The following RAB27B variants were observed in gnomAD, a reference collection of about 807,000 sequenced individuals.
The protein encoded by RAB27B is RAB27B, member RAS oncogene family.
Under a neutral mutation model 24.6 loss-of-function variants are expected in RAB27B, and 15 were observed. That is an observed-to-expected ratio of 0.61 (90% CI 0.41 to 0.94). RAB27B has a LOEUF of 0.94. Ranked by LOEUF, RAB27B falls within the 40% of genes least tolerant of loss-of-function variation. The pLI, the probability that RAB27B is intolerant of heterozygous loss-of-function variation, is 0.00. For synonymous variants in RAB27B, 105 were observed against 92.5 expected, an observed-to-expected ratio of 1.14 and a Z score of -0.78; for missense variants, 261 against 266.8, an observed-to-expected ratio of 0.98 and a Z score of 0.15.
At chr18:54,875,459 C>T (rs948182152) in intron 1 of RAB27B, among the ~76,000 whole-genome samples, 1 of 152,064 alleles carries the variant, frequency 6.6e-6, no homozygotes, top group African/African-American at 2.4e-5. Context: ...ATAATTGAGA[C>T]ATGTGTATCC....
rs2145280431 is a variant in RAB27B, at chr18:54,881,642, C to T, written c.239+2188C>T. ...TGTAACTCTTTGGAACATGGTTTCA[C>T]TGGTTCCTCCACCCTGCTGACTCAA... On this transcript the variant is annotated intron_variant, in intron 3 of 5. Transcript: ENST00000262094. Among the ~76,000 whole-genome samples the T allele has an allele frequency of 2.0e-5, 3 of 152,186 alleles. No individual in the cohort carries two copies. In the South Asian group the frequency reaches 6.2e-4, roughly 32 times the overall value.
chr18:54,765,134 CTT>C (rs1026548021), intron 2 of RAB27B, among the ~76,000 whole-genome samples: 1 of 152,094 alleles, frequency 6.6e-6, no homozygotes, highest in Non-Finnish European at 1.5e-5. Context: ...AACCACATGA[CTT>C]TGGGAAGATT....
intron 1 of RAB27B, among the ~76,000 whole-genome samples, chr18:54,840,776 C>T (rs931443444): frequency 1.3e-5 from 2 of 152,086 alleles, no homozygotes; most frequent in African/African-American, 4.8e-5. Context: ...GCTCATTCAC[C>T]AATACTGTCA....
intron 1 of RAB27B, among the ~76,000 whole-genome samples, chr18:54,873,299 T>C (rs1912551452): frequency 1.3e-5 from 2 of 152,210 alleles, no homozygotes; most frequent in Non-Finnish European, 2.9e-5. Context: ...TTTTAGCCCC[T>C]TGCCTTCCCA....
rs558833113 is a variant in RAB27B, at chr18:54,794,541, G to T, written c.-20+76400G>T. ...ACATGTAGGATGATTCTCTGTCTGAGGATATTAAAATGGTTTTGACAGAGA... is the reference window on the plus strand; with the variant it reads ...ACATGTAGGATGATTCTCTGTCTGATGATATTAAAATGGTTTTGACAGAGA... On this transcript the variant is annotated intron_variant, in intron 2 of 4. Transcript: ENST00000586570. Among the ~76,000 whole-genome samples, 14 of 152,236 alleles carry T rather than the reference G, an allele frequency of 9.2e-5. No homozygotes were observed. The South Asian group carries it at 2.7e-3, about 29-fold the overall frequency.
chr18:54,785,443 T>A (rs1036542298), intron 2 of RAB27B, among the ~76,000 whole-genome samples: 3 of 145,318 alleles, frequency 2.1e-5, no homozygotes, highest in Admixed American at 6.7e-5. Flanking sequence ...CAGGTTTTTT[T>A]TTTTTTTTTT....
chr18:54,845,142 C>T (rs981632517), intron 1 of RAB27B, among the ~76,000 whole-genome samples: 1 of 152,132 alleles, frequency 6.6e-6, no homozygotes, highest in African/African-American at 2.4e-5. Flanking sequence ...CGCAGTGGCT[C>T]ATGCCTGTAA....
intron 1 of RAB27B, 121 bp downstream of exon 1, chr18:54,828,821 C>G (rs143900055): frequency 1.3e-5 from 2 of 152,402 alleles, no homozygotes; most frequent in African/African-American, 2.4e-5. Flanking sequence ...TGTGTGAGTG[C>G]GTGTGCACCT....
rs1913422641 is a variant in RAB27B, at chr18:54,892,843, T to C, written c.*3430T>C. ...TTTGTCATCCTTCTACTATAAATTG[T>C]TCTTTGCCAACCTGTACAGGTAGAT... On this transcript the variant is annotated 3_prime_UTR_variant, in exon 6 of 6. Coordinates refer to ENST00000262094, the MANE Select transcript of RAB27B (RefSeq NM_004163.4). The C allele has an allele frequency of 6.6e-6, 1 of 152,108 alleles. No homozygotes were observed. Among genetic ancestry groups the C allele is most frequent in the South Asian group, 2.1e-4 (1 of 4,832 alleles). 9.4% of individuals were successfully genotyped at this position (152,108 alleles called of 1,614,324 possible).
chr18:54,723,407 T>G (rs1194912782), intron 2 of RAB27B, among the ~76,000 whole-genome samples: 7 of 152,198 alleles, frequency 4.6e-5, no homozygotes, highest in Non-Finnish European at 1.0e-4. Context: ...TCTTCAAAAA[T>G]TTATCTATTA....
Position 54,879,376 on chromosome 18 carries a change from A to G in RAB27B, c.161A>G (p.Asn54Ser), listed in dbSNP as rs1320351664. 6.2e-7 allele frequency: 1 copy of G among 1,611,286 alleles called. No individual in the cohort carries two copies. The highest frequency in any genetic ancestry group is 1.3e-5 in the African/African-American group (1 of 74,950). Residue 54 changes from asparagine to serine, a missense_variant, in exon 3 of 6, where the codon AAT becomes AGT. Coordinates refer to ENST00000262094, the MANE Select transcript of RAB27B (RefSeq NM_004163.4). ...IDFREKRVVYNAQGPNGSSGK... is the reference protein window; with the variant it reads ...IDFREKRVVYSAQGPNGSSGK... The stretch of plus-strand genomic sequence containing the variant: ...GAACGTTGTATCTTTCAGGTTTATA[A>G]TGCACAAGGACCGAATGGATCTTCA...
chr18:54,837,871 A>G (rs1007616295), intron 1 of RAB27B, among the ~76,000 whole-genome samples: 1 of 152,088 alleles, frequency 6.6e-6, no homozygotes, highest in Non-Finnish European at 1.5e-5. Context: ...CTGTGGGGGC[A>G]ATCACTAAGT....
intron 1 of RAB27B, among the ~76,000 whole-genome samples, chr18:54,834,984 T>G (rs1454343442): frequency 2.0e-5 from 3 of 151,790 alleles, no homozygotes; most frequent in Non-Finnish European, 4.4e-5. Flanking sequence ...AAAAGCAAAA[T>G]CAGCTTGTAT....
intron 2 of RAB27B, among the ~76,000 whole-genome samples, chr18:54,794,468 G>T (rs190798954): frequency 6.6e-6 from 1 of 152,158 alleles, no homozygotes. Context: ...CTCTTACAGC[G>T]TAAAAACAAA....
chr18:54,810,320 T>A (rs964775517), intron 2 of RAB27B, among the ~76,000 whole-genome samples: 1 of 152,208 alleles, frequency 6.6e-6, no homozygotes, highest in East Asian at 1.9e-4. Context: ...TTTGCTTTCC[T>A]AATAATATAT....
chr18:54,881,358 C>T (rs1041299963), intron 3 of RAB27B, among the ~76,000 whole-genome samples: 1 of 151,896 alleles, frequency 6.6e-6, no homozygotes, highest in East Asian at 1.9e-4. Flanking sequence ...AGTCCTTGGA[C>T]GTGGGCAGTT....
At chr18:54,849,744 T>C (rs1911483081) in intron 1 of RAB27B, among the ~76,000 whole-genome samples, 1 of 151,814 alleles carries the variant, frequency 6.6e-6, no homozygotes, top group Non-Finnish European at 1.5e-5. Flanking sequence ...AAAAAGAAGG[T>C]AAATCACTAG....
intron 1 of RAB27B, among the ~76,000 whole-genome samples, chr18:54,871,542 CAAAG>C (rs1912464098): frequency 6.6e-6 from 1 of 152,112 alleles, no homozygotes; most frequent in Non-Finnish European, 1.5e-5. Flanking sequence ...ACACGGAATG[CAAAG>C]AAATATGGCT....
In RAB27B at chr18:54,891,512, T is replaced by C. The variant is rs959394893; in HGVS notation, c.*2099T>C. 2.6e-5 allele frequency: 4 copies of C among 152,142 alleles called. 1 individual carries two copies. The highest frequency in any genetic ancestry group is 4.1e-4 in the South Asian group (2 of 4,832). 9.4% of individuals were successfully genotyped at this position (152,142 alleles called of 1,614,324 possible). Reference sequence around the variant, plus strand: ...GAAAGTGAGCAGGAACAAGTTATATTGCCACTGCTGTGGCAAATTTTGGTG... The same window carrying C: ...GAAAGTGAGCAGGAACAAGTTATATCGCCACTGCTGTGGCAAATTTTGGTG... On this transcript the variant is annotated 3_prime_UTR_variant, in exon 6 of 6. Transcript: ENST00000262094.
Sources: gnomAD v4.1 joint callset for allele counts (sites outside exome capture counted in the v4.1 genomes callset) on GRCh38, gnomAD v4.1.1 for gene constraint, MANE v1.5 for transcripts, NCBI Gene and HGNC (gene_info 2026-07-23, HGNC 2026-07-21) for gene names.